Variants in GMDS observed in about 807,000 individuals in gnomAD.
The protein encoded by GMDS is GDP-mannose 4,6-dehydratase, also known as GDP-mannose 4,6 dehydratase.
A neutral mutation model predicts 49.9 loss-of-function variants in GMDS; 20 were observed. The ratio of observed to expected loss-of-function variants is 0.40; its 90% CI spans 0.28 to 0.58. The LOEUF is 0.58. GMDS is among the 20% of genes least tolerant of loss of function. The pLI is 0.42. For synonymous variants in GMDS, 177 were observed against 178.6 expected, an observed-to-expected ratio of 0.99 and a Z score of 0.07; for missense variants, 362 against 481.4, an observed-to-expected ratio of 0.75 and a Z score of 2.32.
intron 7 of GMDS, among the ~76,000 whole-genome samples, chr6:1,909,766 G>A (rs17134474): frequency 0.017 from 2,659 of 152,278 alleles, 79 homozygotes; most frequent in African/African-American, 0.06. Context: ...GGCACAAGGC[G>A]AGGGTCACAT....
At chr6:1,759,833 TGAA>T (rs908330400) in intron 7 of GMDS, among the ~76,000 whole-genome samples, 2 of 152,210 alleles carry the variant, frequency 1.3e-5, no homozygotes, top group African/African-American at 4.8e-5. Context: ...CTGCTCTTGA[TGAA>T]GGAGTGAGTC....
At chr6:2,023,747 C>A (rs1381773517) in intron 4 of GMDS, among the ~76,000 whole-genome samples, 3 of 152,142 alleles carry the variant, frequency 2.0e-5, no homozygotes, top group Non-Finnish European at 4.4e-5. Context: ...TAGGAGACAT[C>A]ATGCTCTAAA....
intron 7 of GMDS, among the ~76,000 whole-genome samples, chr6:1,875,934 C>G (rs911624012): frequency 6.6e-6 from 1 of 151,194 alleles, no homozygotes; most frequent in Non-Finnish European, 1.5e-5. Flanking sequence ...AGAAGAATCC[C>G]TTGAACCCAG....
intron 1 of GMDS, among the ~76,000 whole-genome samples, chr6:2,244,025 C>G (rs1179840418): frequency 6.6e-6 from 1 of 151,524 alleles, no homozygotes; most frequent in African/African-American, 2.4e-5. Context: ...AACATGCCTG[C>G]CTCATTTTTT....
chr6:1,768,733 A>C (rs1053481481), intron 7 of GMDS, among the ~76,000 whole-genome samples: 2 of 152,224 alleles, frequency 1.3e-5, no homozygotes, highest in Non-Finnish European at 2.9e-5. Flanking sequence ...CAAAACCCAA[A>C]ACATTTCTGT....
chr6:2,079,853 T>G (rs1454982674), intron 4 of GMDS, among the ~76,000 whole-genome samples: 1 of 152,172 alleles, frequency 6.6e-6, no homozygotes, highest in Non-Finnish European at 1.5e-5. Context: ...TTTGATAGAT[T>G]TGGGAAGTTT....
At chr6:1,731,040 AAG>A (rs1273045148) in intron 8 of GMDS, among the ~76,000 whole-genome samples, 2 of 152,190 alleles carry the variant, frequency 1.3e-5, no homozygotes, top group Non-Finnish European at 2.9e-5. Context: ...GAGATCAGGA[AAG>A]ATATCAAACA....
intron 1 of GMDS, among the ~76,000 whole-genome samples, chr6:2,217,560 T>C (rs1780398188): frequency 6.6e-6 from 1 of 152,202 alleles, no homozygotes; most frequent in Non-Finnish European, 1.5e-5. Flanking sequence ...CTCCCAACTC[T>C]GTTTTAAATA....
intron 4 of GMDS, among the ~76,000 whole-genome samples, chr6:2,005,690 A>G (rs1767119665): frequency 6.6e-6 from 1 of 152,148 alleles, no homozygotes; most frequent in Non-Finnish European, 1.5e-5. Context: ...TTCGACCTCA[A>G]AGAGAAAACC....
At chr6:1,979,818 G>C (rs1765119371) in intron 4 of GMDS, among the ~76,000 whole-genome samples, 2 of 152,148 alleles carry the variant, frequency 1.3e-5, no homozygotes, top group Admixed American at 6.5e-5. Flanking sequence ...CACCTACAAA[G>C]GGAAGCACGT....
At chr6:2,097,653 T>C (rs1178653933) in intron 4 of GMDS, among the ~76,000 whole-genome samples, 2 of 152,042 alleles carry the variant, frequency 1.3e-5, no homozygotes. Flanking sequence ...ATCCATGTCA[T>C]ACTTTGACAA....
At chr6:1,818,287 G>A (rs1303642190) in intron 7 of GMDS, among the ~76,000 whole-genome samples, 1 of 152,002 alleles carries the variant, frequency 6.6e-6, no homozygotes, top group African/African-American at 2.4e-5. Context: ...TTTCTAACGA[G>A]TGAAAGTTAA....
At chr6:1,898,958 G>A (rs957120537) in intron 7 of GMDS, among the ~76,000 whole-genome samples, 1 of 152,212 alleles carries the variant, frequency 6.6e-6, no homozygotes, top group Non-Finnish European at 1.5e-5. Flanking sequence ...TTACAACGGC[G>A]ATAAATGTCA....
At chr6:1,687,125 C>T (rs6917693) in intron 9 of GMDS, among the ~76,000 whole-genome samples, 53,398 of 151,982 alleles carry the variant, frequency 0.35, 9,682 homozygotes, top group East Asian at 0.49. Flanking sequence ...CCCCGTTTGT[C>T]AGGCCCCAGA....
chr6:2,052,128 AAAG>A lies in GMDS; in HGVS notation c.345+63640_345+63642del, dbSNP rs1299366239. 8.9e-4 allele frequency among the ~76,000 whole-genome samples: 124 copies of A among 138,724 alleles called. 8 individuals are homozygous for A. The highest frequency in any genetic ancestry group is 2.3e-3 in the South Asian group (10 of 4,286). 91.0% of individuals were successfully genotyped at this position (138,724 alleles called of 152,430 possible). On this transcript the variant is annotated intron_variant, in intron 4 of 10. Coordinates refer to ENST00000380815, the MANE Select transcript of GMDS (RefSeq NM_001500.4). Reference sequence around the variant, plus strand: ...CAAGACTCTGTCTCAAAAAAAAAAAAAAGAAAAAAAAAAAACAGAAAAGAAAAA... The same window carrying A: ...CAAGACTCTGTCTCAAAAAAAAAAAAAAAAAAAAAAAACAGAAAAGAAAAA...
At chr6:2,105,764 A>G (rs1311380301) in intron 4 of GMDS, among the ~76,000 whole-genome samples, 2 of 152,236 alleles carry the variant, frequency 1.3e-5, no homozygotes, top group African/African-American at 4.8e-5. Flanking sequence ...ACTCAGGAAC[A>G]GGTTTTTTTA....
At chr6:2,226,684 G>T (rs1228843565) in intron 1 of GMDS, among the ~76,000 whole-genome samples, 2 of 152,028 alleles carry the variant, frequency 1.3e-5, no homozygotes, top group African/African-American at 2.4e-5. Flanking sequence ...GATTCTACTA[G>T]CATTTACTCT....
At chr6:2,178,311 C>T (rs867753795) in intron 1 of GMDS, among the ~76,000 whole-genome samples, 2 of 152,142 alleles carry the variant, frequency 1.3e-5, no homozygotes, top group South Asian at 4.1e-4. Flanking sequence ...ATCTGCTTGG[C>T]TTCTGGGGAG....
intron 4 of GMDS, among the ~76,000 whole-genome samples, chr6:1,972,341 C>T (rs1402810653): frequency 6.7e-6 from 1 of 149,266 alleles, no homozygotes; most frequent in Non-Finnish European, 1.5e-5. Context: ...ATATTAGATG[C>T]CTTTTCTCTG....
Sources: allele counts gnomAD v4.1 joint callset (sites outside exome capture counted in the v4.1 genomes callset), GRCh38; gene constraint gnomAD v4.1.1; transcripts MANE v1.5; gene names NCBI Gene and HGNC (gene_info 2026-07-23, HGNC 2026-07-21).